The following KIF1A variants were observed in gnomAD, a reference collection of about 807,000 sequenced individuals.
KIF1A encodes kinesin family member 1A, also known as kinesin-like protein KIF1A.
KIF1A carries 46 observed loss-of-function variants against 227.3 expected under a neutral mutation model. The observed-to-expected ratio is 0.20, with a 90% CI of 0.16 to 0.26. The LOEUF is 0.26. KIF1A is among the 10% of genes least tolerant of loss of function. The pLI is 1.00. For missense variants in KIF1A, 1,683 were observed against 2,485.9 expected (o/e 0.68, Z 6.87); for synonymous variants, 1,022 against 1,012.8 (o/e 1.01, Z -0.17).
chr2:240,815,670 T>C (rs1329861834), intron 1 of KIF1A, among the ~76,000 whole-genome samples: 1 of 152,034 alleles, frequency 6.6e-6, no homozygotes, highest in Non-Finnish European at 1.5e-5. Context: ...TGAGGCACCG[T>C]GCTGGCCCCC....
intron 22 of KIF1A, 61 bp from the exon 23 acceptor site, chr2:240,762,873 C>T (rs1348515883): frequency 1.6e-5 from 24 of 1,477,092 alleles, no homozygotes; most frequent in African/African-American, 7.0e-5. Context: ...TCTCACACTG[C>T]GCCTAGACAG....
intron 37 of KIF1A, 101 bp from the exon 38 acceptor site, chr2:240,737,269 C>CAT: frequency 1.1e-6 from 1 of 871,304 alleles, no homozygotes; most frequent in South Asian, 1.3e-5. Context: ...CAGCTCCCCA[C>CAT]ATGGTCACTA....
rs1386725388 is a variant in KIF1A at position 240,750,517 on chromosome 2, G to A, written c.2889C>T (p.Tyr963=). The change falls in exon 28 of 49, where the codon TAC becomes TAT. Residue 963 remains tyrosine, a synonymous_variant. Transcript: ENST00000498729. ...CCACACGGTGTACCAGGGGAACGGG[G>A]TACAGCAGGTTGCTCAGGTACACGA... is the stretch of plus-strand genomic sequence containing the variant. ...RAFVYLSNLL[Y]PVPLVHRVAI... is the part of the protein sequence containing the mutation. 2 of 1,613,882 alleles carry A rather than the reference G, an allele frequency of 1.2e-6. No individual in the cohort carries two copies. The highest frequency in any genetic ancestry group is 2.2e-5 in the East Asian group (1 of 44,880).
chr2:240,753,856 G>C (rs1188699093), intron 27 of KIF1A, among the ~76,000 whole-genome samples: 1 of 152,144 alleles, frequency 6.6e-6, no homozygotes, highest in Non-Finnish European at 1.5e-5. Context: ...GAAGTCACCA[G>C]GGCCTGGCAG....
In KIF1A at chr2:240,763,346, C is replaced by A; in HGVS notation, c.1769G>T (p.Gly590Val). Residue 590 changes from glycine (G) to valine (V), a missense_variant and splice_region_variant, in exon 21 of 49, where the codon GGA becomes GTA. Around this residue, in one of 12 missense-constraint regions of KIF1A, gnomAD observed 217 missense variants for 427.0 expected, o/e 0.51. Transcript: ENST00000498729. ...KVTEPSILRS[G>V]NRIIMGKSHV... Reference sequence around the variant, plus strand: ...GCTCTTACCCATGATGATGCGGTTTCCTGGGGAACAGAGGGACAGGTGGCC... The same window carrying A: ...GCTCTTACCCATGATGATGCGGTTTACTGGGGAACAGAGGGACAGGTGGCC... 1 of 1,571,122 alleles carries A rather than the reference C, an allele frequency of 6.4e-7. No homozygotes were observed. The highest frequency in any genetic ancestry group is 1.9e-5 in the Admixed American group (1 of 52,926).
In KIF1A at chr2:240,793,571, A is replaced by G. The variant is rs543365056; in HGVS notation, c.106+4076T>C. Among the ~76,000 whole-genome samples, 118 of 152,266 alleles carry G rather than the reference A, an allele frequency of 7.7e-4. 1 individual carries two copies. The highest frequency in any genetic ancestry group is 2.8e-3 in the African/African-American group (115 of 41,554). On this transcript the variant is annotated intron_variant, in intron 2 of 48. Transcript: ENST00000498729. This position sits in a 1 kb window ranked among gnomAD's most constrained non-coding sequence, Gnocchi z 4.8. ...ATGTGAGGAGAGAGGAGGAGGACGGAAGCACTCACACTCAACTTCTGCCCC... is the reference window on the plus strand; with the variant it reads ...ATGTGAGGAGAGAGGAGGAGGACGGGAGCACTCACACTCAACTTCTGCCCC...
In KIF1A at chr2:240,715,405, C is replaced by G. The variant is rs1396513192; in HGVS notation, c.*1959G>C. ...AGCCCTGATTCTCCCTCACAGAACCCCCCCATCAGCCCCTGGGAGAGCCTC... is the reference window on the plus strand; with the variant it reads ...AGCCCTGATTCTCCCTCACAGAACCGCCCCATCAGCCCCTGGGAGAGCCTC... On this transcript the variant is annotated 3_prime_UTR_variant, in exon 49 of 49. Coordinates refer to ENST00000498729, the MANE Select transcript of KIF1A (RefSeq NM_001244008.2). The G allele has an allele frequency of 6.6e-6, 1 of 152,384 alleles. No homozygotes were observed. Among genetic ancestry groups the G allele is most frequent in the East Asian group, 1.9e-4 (1 of 5,280 alleles). 9.4% of individuals were successfully genotyped at this position (152,384 alleles called of 1,614,324 possible).
intron 34 of KIF1A, among the ~76,000 whole-genome samples, chr2:240,742,390 C>A (rs1458856263): frequency 6.6e-6 from 1 of 152,190 alleles, no homozygotes; most frequent in Non-Finnish European, 1.5e-5. Flanking sequence ...TCAGCTCTCC[C>A]CCGACCATGT....
chr2:240,769,530 C>T, intron 16 of KIF1A, 97 bp downstream of exon 16: 1 of 1,017,106 alleles, frequency 9.8e-7, no homozygotes, highest in Non-Finnish European at 1.5e-6. Context: ...GTGCAGGTGC[C>T]CAGCACTGGA....
chr2:240,721,275 C>T (rs1292471957), intron 44 of KIF1A, among the ~76,000 whole-genome samples: 3 of 152,234 alleles, frequency 2.0e-5, no homozygotes, highest in Admixed American at 6.5e-5. Flanking sequence ...AGGCAGCCAC[C>T]CTGCCAATGC....
intron 33 of KIF1A, among the ~76,000 whole-genome samples, chr2:240,743,482 TC>T (rs1358604081): frequency 3.3e-5 from 5 of 152,144 alleles, no homozygotes; most frequent in Admixed American, 2.6e-4. Context: ...TGAGTGGAAG[TC>T]CTGACTTCAT....
chr2:240,717,286 G>T lies in KIF1A; in HGVS notation c.*78C>A. On this transcript the variant is annotated 3_prime_UTR_variant, in exon 49 of 49. Coordinates refer to ENST00000498729, the MANE Select transcript of KIF1A (RefSeq NM_001244008.2). Reference sequence around the variant, plus strand: ...TGGGCTGTCTGGCAGGAGAGGGGCTGGGCGGCAGGTGACAGGACAGACGAG... The same window carrying T: ...TGGGCTGTCTGGCAGGAGAGGGGCTTGGCGGCAGGTGACAGGACAGACGAG... The T allele has an allele frequency of 7.2e-7, 1 of 1,387,206 alleles. No individual in the cohort carries two copies. The highest frequency in any genetic ancestry group is 1.2e-5 in the South Asian group (1 of 84,920). The allele number at this position is 1,387,206 out of a possible 1,614,324, so 85.9% of individuals were successfully genotyped here.
rs527590782 is a variant in KIF1A, at chr2:240,770,995, G to A, written c.1317C>T (p.Ser439=). The change falls in exon 15 of 49, where the codon AGC becomes AGT. Residue 439 remains serine, a synonymous_variant. Coordinates refer to ENST00000498729, the MANE Select transcript of KIF1A (RefSeq NM_001244008.2). ...CCTTCAGTCTTTCAATGGCCTCCTC[G>A]CTGCCCGGGGCAAACAAGATGCGCT... ...LHERILFAPG[S]EEAIERLKET... 4.3e-5 allele frequency: 69 copies of A among 1,612,154 alleles called. No homozygotes were observed. Among genetic ancestry groups the A allele is most frequent in the South Asian group, 2.9e-4 (26 of 91,048 alleles).
intron 35 of KIF1A, 132 bp downstream of exon 35, chr2:240,741,137 G>A: frequency 1.6e-6 from 1 of 634,608 alleles, no homozygotes; most frequent in Non-Finnish European, 2.8e-6. Context: ...GCCCACAAGA[G>A]GTCTGCAGTG....
chr2:240,741,919 C>T (rs1217381257), intron 34 of KIF1A, among the ~76,000 whole-genome samples: 1 of 152,236 alleles, frequency 6.6e-6, no homozygotes, highest in African/African-American at 2.4e-5. Flanking sequence ...CTTCACCCAC[C>T]TCTGTCTACC....
chr2:240,737,990 C>T (rs2047545798), intron 37 of KIF1A, among the ~76,000 whole-genome samples: 1 of 152,230 alleles, frequency 6.6e-6, no homozygotes, highest in Non-Finnish European at 1.5e-5. Context: ...CATGACTTTG[C>T]AGCACTTAGG....
At chr2:240,755,578 C>A (rs190687258) in intron 27 of KIF1A, among the ~76,000 whole-genome samples, 1 of 152,314 alleles carries the variant, frequency 6.6e-6, no homozygotes, top group East Asian at 1.9e-4. Context: ...TCTTGCCAAA[C>A]CAAAAAGATC....
At chr2:240,728,852 T>C (rs778149519) in intron 38 of KIF1A, among the ~76,000 whole-genome samples, 1 of 152,222 alleles carries the variant, frequency 6.6e-6, no homozygotes, top group Non-Finnish European at 1.5e-5. Context: ...GGCCTCAGGA[T>C]GTCACCAACA....
In KIF1A at chr2:240,721,007, T is replaced by C. The variant is rs1461573563; in HGVS notation, c.4775A>G (p.Asp1592Gly). ...CACCCCTAGAGGGGACATCGACGGG[T>C]CCCGGAGCAGGGTGACAGACATCTC... is the stretch of plus-strand genomic sequence containing the variant. ...LSEMSVTLLR[D>G]PSMSPLGVAT... is the part of the protein sequence containing the mutation. The change falls in exon 45 of 49, where the codon GAC becomes GGC. Residue 1592 changes from aspartate to glycine, a missense_variant. This residue lies in a region of KIF1A where 384 missense variants were observed against 410.1 expected (regional missense o/e 0.94). Coordinates refer to ENST00000498729, the MANE Select transcript of KIF1A (RefSeq NM_001244008.2). 1.2e-6 allele frequency: 2 copies of C among 1,610,904 alleles called. No individual in the cohort carries two copies. Among genetic ancestry groups the C allele is most frequent in the Admixed American group, 1.7e-5 (1 of 59,804 alleles).
Sources: gnomAD v4.1 joint callset for allele counts (sites outside exome capture counted in the v4.1 genomes callset) on GRCh38, gnomAD v4.1.1 for gene constraint, gnomAD v4.1.1 regional missense constraint, Gnocchi (gnomAD v3.1) non-coding constraint, MANE v1.5 for transcripts, NCBI Gene and HGNC (gene_info 2026-07-23, HGNC 2026-07-21) for gene names.